The following KALRN variants were observed in gnomAD, a reference collection of about 807,000 sequenced individuals.
KALRN encodes kalirin RhoGEF kinase.
In KALRN, 70 loss-of-function variants were observed where a neutral mutation model predicts 353.7. The observed-to-expected ratio is 0.20, with a 90% CI of 0.16 to 0.24. KALRN has a LOEUF of 0.24. Among genes scored for constraint, KALRN ranks in the 10% least tolerant of loss-of-function variants. The probability of loss-of-function intolerance (pLI) is 1.00; values close to 1 mark genes in which losing one functional copy is unlikely to be tolerated. For synonymous variants in KALRN, 1,391 were observed against 1,434.8 expected (o/e 0.97, Z 0.69); for missense variants, 2,791 against 3,756.7 (o/e 0.74, Z 6.72).
intron 18 of KALRN, among the ~76,000 whole-genome samples, chr3:124,441,451 T>G (rs975775215): frequency 6.6e-6 from 1 of 152,190 alleles, no homozygotes; most frequent in Non-Finnish European, 1.5e-5. Flanking sequence ...TAAATTGGAA[T>G]TGGAGTCTCC....
At chr3:124,642,806 G>GTTTTTTTTGTTGTTGTTGTTTTTTTTTT (rs2082205293) in intron 37 of KALRN, among the ~76,000 whole-genome samples, 1 of 96,840 alleles carries the variant, frequency 1.0e-5, no homozygotes, top group African/African-American at 4.5e-5. Context: ...CCCAAGCCTC[G>GTTTTTTTTGTTGTTGTTGTTTTTTTTTT]TTTTTTTTTT....
intron 9 of KALRN, among the ~76,000 whole-genome samples, chr3:124,341,625 A>G (rs1346823819): frequency 4.6e-5 from 7 of 151,688 alleles, no homozygotes. Flanking sequence ...AGAGCAGGAG[A>G]TGTTCACTCC....
rs930329305 is a variant in KALRN at position 124,717,251 on chromosome 3, G to C, written c.8281G>C (p.Asp2761His). Reference protein sequence around the residue: ...TSYILILELMDDGRLLDYLMN... With the variant: ...TSYILILELMHDGRLLDYLMN... Reference sequence around the variant, plus strand: ...CCTTTCCCTGCCTACTTTCAGGATGGATGATGGCCGGCTCTTAGACTACCT... The same window carrying C: ...CCTTTCCCTGCCTACTTTCAGGATGCATGATGGCCGGCTCTTAGACTACCT... The change falls in exon 59 of 60, where the codon GAT becomes CAT. Residue 2761 changes from aspartate (D) to histidine (H), a missense_variant. Asp to His is a moderately conservative substitution (Grantham distance 81, BLOSUM62 -1). Around this residue, in one of 11 missense-constraint regions of KALRN, gnomAD observed 188 missense variants for 402.9 expected, o/e 0.47. Transcript: ENST00000682506. 6.3e-7 allele frequency: 1 copy of C among 1,597,382 alleles called. No individual in the cohort carries two copies. Among genetic ancestry groups the C allele is most frequent in the African/African-American group, 1.3e-5 (1 of 74,180 alleles).
chr3:124,226,722 C>T lies in KALRN; in HGVS notation c.74-1268C>T, dbSNP rs886775555. 8.5e-5 allele frequency among the ~76,000 whole-genome samples: 13 copies of T among 152,224 alleles called. 1 individual carries two copies. In the East Asian group the frequency reaches 1.3e-3, roughly 16 times the overall value. ...CCCAGAATTTTATTGCCAAAATTCCCGGATGGGTTTCTTGAAACAGTCAAT... is the reference window on the plus strand; with the variant it reads ...CCCAGAATTTTATTGCCAAAATTCCTGGATGGGTTTCTTGAAACAGTCAAT... On this transcript the variant is annotated intron_variant, in intron 1 of 59. Transcript: ENST00000682506.
intron 11 of KALRN, among the ~76,000 whole-genome samples, chr3:124,392,636 C>T (rs2089586466): frequency 6.8e-6 from 1 of 146,346 alleles, no homozygotes; most frequent in Admixed American, 6.8e-5. Context: ...AGACAGTCTC[C>T]CTCTATCACC....
At chr3:124,645,826 G>A (rs1318209044) in intron 37 of KALRN, among the ~76,000 whole-genome samples, 1 of 151,908 alleles carries the variant, frequency 6.6e-6, no homozygotes, top group Non-Finnish European at 1.5e-5. Flanking sequence ...CCCAGAAGAG[G>A]GATTATTGGG....
chr3:124,178,999 T>G (rs901766345), intron 1 of KALRN, among the ~76,000 whole-genome samples: 1 of 152,056 alleles, frequency 6.6e-6, no homozygotes, highest in Non-Finnish European at 1.5e-5. Context: ...CCCAGCTACT[T>G]GAGAGGCTGA....
intron 6 of KALRN, among the ~76,000 whole-genome samples, chr3:124,307,193 AT>A (rs1450925555): frequency 6.6e-6 from 1 of 152,158 alleles, no homozygotes; most frequent in Non-Finnish European, 1.5e-5. Context: ...TGTTGGGCCT[AT>A]AACATAAAAA....
At chr3:124,684,070 C>A (rs755473890) in intron 51 of KALRN, among the ~76,000 whole-genome samples, 1 of 152,150 alleles carries the variant, frequency 6.6e-6, no homozygotes, top group Non-Finnish European at 1.5e-5. Context: ...ATTTCCAGAA[C>A]GTTTTCATCA....
Position 124,713,004 on chromosome 3 carries a change from T to C in KALRN, c.8145T>C (p.Val2715=), listed in dbSNP as rs2062966424. The change falls in exon 58 of 60, where the codon GTT becomes GTC. Residue 2715 remains valine (V), a synonymous_variant. Coordinates refer to ENST00000682506, the MANE Select transcript of KALRN (RefSeq NM_001388419.1). ...GCAAAGATGTGGCTGTGAAATTTGT[T>C]AGCAAAAAAATGAAGAAGAAAGAAC... The part of the protein sequence containing the change: ...ATRKDVAVKF[V]SKKMKKKEQA... 1.2e-6 allele frequency: 2 copies of C among 1,614,066 alleles called. No homozygotes were observed. The highest frequency in any genetic ancestry group is 2.2e-5 in the South Asian group (2 of 91,068).
intron 34 of KALRN, among the ~76,000 whole-genome samples, chr3:124,586,948 A>G (rs953005346): frequency 6.6e-6 from 1 of 152,154 alleles, no homozygotes; most frequent in Non-Finnish European, 1.5e-5. Flanking sequence ...ACTCTAACCG[A>G]AAACAGTCTC....
At chr3:124,590,421 A>T (rs2075659608) in intron 34 of KALRN, among the ~76,000 whole-genome samples, 1 of 152,172 alleles carries the variant, frequency 6.6e-6, no homozygotes, top group African/African-American at 2.4e-5. Flanking sequence ...GGTGCAAATT[A>T]TGACTCTGTA....
chr3:124,037,373 A>G (rs1363289540), intron 1 of KALRN, among the ~76,000 whole-genome samples: 1 of 152,206 alleles, frequency 6.6e-6, no homozygotes, highest in Non-Finnish European at 1.5e-5. Context: ...GAGTTTGGGC[A>G]TTGAAGAGCC....
intron 57 of KALRN, among the ~76,000 whole-genome samples, chr3:124,709,087 A>G (rs890509170): frequency 1.3e-5 from 2 of 152,090 alleles, no homozygotes; most frequent in African/African-American, 4.8e-5. Flanking sequence ...GTTGAGGAAA[A>G]TCTTTAAAAT....
rs556950788 is a variant in KALRN, at chr3:124,530,458, C to G, written c.4936-32385C>G. On this transcript the variant is annotated intron_variant, in intron 33 of 59. Coordinates refer to ENST00000682506, the MANE Select transcript of KALRN (RefSeq NM_001388419.1). The stretch of plus-strand genomic sequence containing the variant: ...CCAGGCTGGAGTGCAGTGGTGTGAT[C>G]ATAGCTCACTGCAGCCTTGACCTCC... Among the ~76,000 whole-genome samples, 4 of 152,184 alleles carry G rather than the reference C, an allele frequency of 2.6e-5. No homozygotes were observed. In the South Asian group the frequency reaches 8.3e-4, roughly 32 times the overall value.
At chr3:124,468,096 G>A in intron 25 of KALRN, among the ~76,000 whole-genome samples, 1 of 152,048 alleles carries the variant, frequency 6.6e-6, no homozygotes, top group East Asian at 1.9e-4. Context: ...ATCCTGTTGA[G>A]GGAGAATGAG....
intron 33 of KALRN, among the ~76,000 whole-genome samples, chr3:124,540,552 T>C (rs1005313080): frequency 1.7e-4 from 26 of 152,194 alleles, no homozygotes; most frequent in African/African-American, 6.3e-4. Context: ...ATATACACAA[T>C]TTTGGAGAGC....
chr3:124,303,803 G>A (rs1018607956), intron 6 of KALRN, among the ~76,000 whole-genome samples: 5 of 152,038 alleles, frequency 3.3e-5, no homozygotes, highest in African/African-American at 1.2e-4. Flanking sequence ...TAATTTGCTC[G>A]CCAAAGGCAC....
At chr3:124,584,646 T>C (rs2074945724) in intron 34 of KALRN, 5 of 1,411,122 alleles carry the variant, frequency 3.5e-6, no homozygotes, top group African/African-American at 1.5e-5. Context: ...CCTCCCCGCT[T>C]CCCAAGGTGG....
Sources: allele counts gnomAD v4.1 joint callset (sites outside exome capture counted in the v4.1 genomes callset), GRCh38; gene constraint gnomAD v4.1.1; regional missense constraint gnomAD v4.1.1; transcripts MANE v1.5; gene names NCBI Gene and HGNC (gene_info 2026-07-23, HGNC 2026-07-21).